Variants in TMEM178B observed in about 807,000 individuals in gnomAD.
TMEM178B encodes transmembrane protein 178B.
In TMEM178B, 5 loss-of-function variants were observed where a neutral mutation model predicts 31.0. The ratio of observed to expected loss-of-function variants is 0.16; its 90% CI spans 0.08 to 0.34. The LOEUF is 0.34. TMEM178B is among the 10% of genes least tolerant of loss of function. The pLI is 1.00. For synonymous variants in TMEM178B, 164 were observed against 164.0 expected, an observed-to-expected ratio of 1.00 and a Z score of 0.00; for missense variants, 275 against 400.3, an observed-to-expected ratio of 0.69 and a Z score of 2.67.
At position 141,136,540 on chromosome 7, in the gene TMEM178B, C is replaced by T. The variant is rs141445075; in HGVS notation, c.382+61848C>T. On this transcript the variant is annotated intron_variant, in intron 1 of 3. Transcript: ENST00000565468. ...AACAGACTGATAGAACTATATTAAA[C>T]TAAAAAGCTTCTGCATGGAAAAGGA... Among the ~76,000 whole-genome samples, 538 of 152,182 alleles carry T rather than the reference C, an allele frequency of 3.5e-3. 2 individuals carry two copies. The highest frequency in any genetic ancestry group is 0.012 in the African/African-American group (489 of 41,542).
At chr7:141,484,813 C>T (rs138662681), downstream of TMEM178B, among the ~76,000 whole-genome samples, 1,750 of 152,110 alleles carry the variant, frequency 0.012, 42 homozygotes, top group African/African-American at 0.04. The surrounding 1 kb of genome is among the most constrained non-coding windows in gnomAD (Gnocchi z 4.8). Flanking sequence ...CCGCCCGCCT[C>T]GGCCTCCCAA....
intron 2 of TMEM178B, among the ~76,000 whole-genome samples, chr7:141,253,229 C>T (rs1797864458): frequency 6.6e-6 from 1 of 152,178 alleles, no homozygotes; most frequent in African/African-American, 2.4e-5. Context: ...CTTCCCTATC[C>T]CTTATTGGTT....
downstream of TMEM178B, among the ~76,000 whole-genome samples, chr7:141,480,893 A>C (rs1008495965): frequency 1.3e-5 from 2 of 152,230 alleles, no homozygotes; most frequent in African/African-American, 4.8e-5. Context: ...GGACTGGAGA[A>C]GCAAGTGCTC....
At chr7:141,498,743 A>G in the TMEM178B span, among the ~76,000 whole-genome samples, 1 of 152,240 alleles carries the variant, frequency 6.6e-6, no homozygotes, top group Non-Finnish European at 1.5e-5. Context: ...CACTAAAGCG[A>G]GGAATCCAGG....
At chr7:141,311,453 G>C (rs973964383) in intron 2 of TMEM178B, among the ~76,000 whole-genome samples, 1 of 151,922 alleles carries the variant, frequency 6.6e-6, no homozygotes, top group African/African-American at 2.4e-5. Context: ...TTTTCAATTA[G>C]ATTGCTGGTT....
chr7:141,309,148 G>GA (rs147076405), intron 2 of TMEM178B, among the ~76,000 whole-genome samples: 3,063 of 152,176 alleles, frequency 0.02, 94 homozygotes, highest in African/African-American at 0.069. Flanking sequence ...GAAAAGTATA[G>GA]AAAAAATTAA....
At chr7:141,276,877 A>G (rs1048335049) in intron 2 of TMEM178B, among the ~76,000 whole-genome samples, 6 of 152,240 alleles carry the variant, frequency 3.9e-5, no homozygotes, top group African/African-American at 9.6e-5. Context: ...AGGCAACTGT[A>G]ACACAATAGT....
At chr7:141,173,921 C>T (rs555828932) in intron 1 of TMEM178B, among the ~76,000 whole-genome samples, 7 of 152,256 alleles carry the variant, frequency 4.6e-5, no homozygotes, top group African/African-American at 1.7e-4. Flanking sequence ...AGAAGTGATT[C>T]TCTACCTTTC....
intron 1 of TMEM178B, among the ~76,000 whole-genome samples, chr7:141,194,074 C>A (rs1281853608): frequency 6.6e-6 from 1 of 152,198 alleles, no homozygotes; most frequent in Non-Finnish European, 1.5e-5. Flanking sequence ...CCCCCTGGGG[C>A]CCTCTCATAA....
At position 141,223,603 on chromosome 7, in the gene TMEM178B, C is replaced by T. The variant is rs185680684; in HGVS notation, c.496+10899C>T. Among the ~76,000 whole-genome samples, 7 of 150,932 alleles carry T rather than the reference C, an allele frequency of 4.6e-5. No homozygotes were observed. In the East Asian group the frequency reaches 1.4e-3, roughly 30 times the overall value. On this transcript the variant is annotated intron_variant, in intron 2 of 3. Transcript: ENST00000565468. ...GCCTAGAGTAGTTGTGCATGGAATT[C>T]AGCCTTCCACGTGCTGAGCTAGAGT...
At chr7:141,327,059 C>T (rs1799204358) in intron 2 of TMEM178B, among the ~76,000 whole-genome samples, 1 of 152,192 alleles carries the variant, frequency 6.6e-6, no homozygotes, top group South Asian at 2.1e-4. Flanking sequence ...GCCCTATTTT[C>T]TGTGCCATTG....
chr7:141,295,714 G>C (rs553053031), intron 2 of TMEM178B, among the ~76,000 whole-genome samples: 1 of 145,002 alleles, frequency 6.9e-6, no homozygotes, highest in South Asian at 2.2e-4. Flanking sequence ...TGTATCAAGA[G>C]AGGCAATTCA....
At chr7:141,111,264 A>G (rs924785631) in intron 1 of TMEM178B, among the ~76,000 whole-genome samples, 8 of 152,202 alleles carry the variant, frequency 5.3e-5, no homozygotes, top group Non-Finnish European at 1.0e-4. Flanking sequence ...ATCAGATTTC[A>G]TGGGGCTTAT....
intron 2 of TMEM178B, among the ~76,000 whole-genome samples, chr7:141,325,146 A>G (rs1379554122): frequency 1.3e-5 from 2 of 152,188 alleles, no homozygotes; most frequent in Admixed American, 6.5e-5. Context: ...TGAAGGTTTC[A>G]TTAGGCATCA....
chr7:141,170,391 T>C (rs1365415922), intron 1 of TMEM178B, among the ~76,000 whole-genome samples: 2 of 152,194 alleles, frequency 1.3e-5, no homozygotes, highest in Non-Finnish European at 2.9e-5. Flanking sequence ...ACCTTGTTTC[T>C]TTCACTGCGG....
At chr7:141,240,961 A>G (rs1243165325) in intron 2 of TMEM178B, among the ~76,000 whole-genome samples, 1 of 149,758 alleles carries the variant, frequency 6.7e-6, no homozygotes, top group Non-Finnish European at 1.5e-5. Flanking sequence ...TGGAGGTTCC[A>G]TGAATTGAGA....
intron 2 of TMEM178B, among the ~76,000 whole-genome samples, chr7:141,368,321 A>T: frequency 6.6e-6 from 1 of 152,236 alleles, no homozygotes; most frequent in East Asian, 1.9e-4. Context: ...TCTGCTTCAA[A>T]AAGGAAAAAT....
intron 1 of TMEM178B, among the ~76,000 whole-genome samples, chr7:141,103,435 G>T (rs914549577): frequency 6.6e-6 from 1 of 152,096 alleles, no homozygotes; most frequent in African/African-American, 2.4e-5. Flanking sequence ...GAGTTTCCCT[G>T]TCTTCTTTCA....
At chr7:141,506,153 C>G in the TMEM178B span, among the ~76,000 whole-genome samples, 1 of 152,260 alleles carries the variant, frequency 6.6e-6, no homozygotes, top group Admixed American at 6.5e-5. Context: ...CTCTGCCTCT[C>G]AATCTCTGCT....
Sources: allele counts gnomAD v4.1 joint callset (sites outside exome capture counted in the v4.1 genomes callset), GRCh38; gene constraint gnomAD v4.1.1; non-coding constraint Gnocchi (gnomAD v3.1); transcripts MANE v1.5; gene names NCBI Gene and HGNC (gene_info 2026-07-23, HGNC 2026-07-21).